Variants in PDSS2 observed in about 807,000 individuals in gnomAD.
PDSS2 encodes all trans-polyprenyl-diphosphate synthase PDSS2.
PDSS2 carries 31 observed loss-of-function variants against 44.5 expected under a neutral mutation model. The ratio of observed to expected loss-of-function variants is 0.70; its 90% confidence interval spans 0.52 to 0.94. The LOEUF (loss-of-function observed/expected upper bound fraction) is 0.94. Among genes scored for constraint, PDSS2 ranks in the 40% least tolerant of loss-of-function variants. The pLI is 0.00. For missense variants in PDSS2, 452 were observed against 482.2 expected (o/e 0.94, Z 0.59); for synonymous variants, 157 against 180.3 (o/e 0.87, Z 1.03).
intron 1 of PDSS2, among the ~76,000 whole-genome samples, chr6:107,378,889 A>G (rs1455630421): frequency 6.6e-6 from 1 of 152,216 alleles, no homozygotes; most frequent in Non-Finnish European, 1.5e-5. Context: ...CACAGCACTA[A>G]TGTGCCACTT....
At chr6:107,305,885 A>G (rs1776843722) in intron 2 of PDSS2, among the ~76,000 whole-genome samples, 1 of 152,184 alleles carries the variant, frequency 6.6e-6, no homozygotes, top group Admixed American at 6.5e-5. Context: ...GGGCCTTAAC[A>G]TTATATTTAG....
At chr6:107,210,790 G>A (rs939786483) in intron 5 of PDSS2, among the ~76,000 whole-genome samples, 1 of 152,042 alleles carries the variant, frequency 6.6e-6, no homozygotes, top group Non-Finnish European at 1.5e-5. Context: ...GATCACCTGA[G>A]GTCAGGAGTT....
intron 1 of PDSS2, among the ~76,000 whole-genome samples, chr6:107,435,079 C>A (rs1014393166): frequency 6.6e-6 from 1 of 151,852 alleles, no homozygotes; most frequent in Non-Finnish European, 1.5e-5. Flanking sequence ...GAGTTTAAGA[C>A]CAGCCTGGGC....
chr6:107,204,361 G>C (rs770161964), intron 6 of PDSS2, among the ~76,000 whole-genome samples: 13 of 152,038 alleles, frequency 8.6e-5, no homozygotes, highest in Non-Finnish European at 1.8e-4. Flanking sequence ...CCATTTATCA[G>C]TTGATAGACA....
chr6:107,447,558 G>A (rs969038297), intron 1 of PDSS2, among the ~76,000 whole-genome samples: 28 of 152,266 alleles, frequency 1.8e-4, no homozygotes, highest in Admixed American at 9.2e-4. Context: ...TCCATGTCAC[G>A]CTATTACAAG....
intron 3 of PDSS2, among the ~76,000 whole-genome samples, chr6:107,258,913 T>C (rs1775119427): frequency 6.6e-6 from 1 of 152,248 alleles, no homozygotes; most frequent in Non-Finnish European, 1.5e-5. Context: ...GATTGATAAC[T>C]GCAAAATTGT....
intron 1 of PDSS2, among the ~76,000 whole-genome samples, chr6:107,451,220 A>G (rs1314195252): frequency 6.6e-6 from 1 of 152,196 alleles, no homozygotes; most frequent in Non-Finnish European, 1.5e-5. Context: ...TGAGAAATCT[A>G]GTTTATCTGC....
rs944278364 is a variant in PDSS2, at chr6:107,152,718, C to A, written c.*1901G>T. ...CCAGATGCTAACGCAGAATAAGAGG[C>A]GCCCTAGGATCCTGCCTGGTGCCCT... On this transcript the variant is annotated 3_prime_UTR_variant, in exon 8 of 8. Transcript: ENST00000369037. The A allele has an allele frequency of 6.6e-6, 1 of 152,084 alleles. No homozygotes were observed. The highest frequency in any genetic ancestry group is 6.6e-5 in the Admixed American group (1 of 15,248). 9.4% of individuals were successfully genotyped at this position (152,084 alleles called of 1,614,324 possible). A position where few individuals can be genotyped will look rare whatever the true frequency, so the allele number is the denominator to read the frequency against.
intron 7 of PDSS2, among the ~76,000 whole-genome samples, chr6:107,180,933 C>T (rs1771953032): frequency 6.6e-6 from 1 of 152,180 alleles, no homozygotes; most frequent in South Asian, 2.1e-4. Context: ...CAACCTCCAT[C>T]TCCCGGATTC....
chr6:107,271,618 T>G (rs1239903836), intron 3 of PDSS2, among the ~76,000 whole-genome samples: 1 of 152,250 alleles, frequency 6.6e-6, no homozygotes, highest in Non-Finnish European at 1.5e-5. Context: ...AAGAGTTAGC[T>G]GCCCCTAGAC....
intron 4 of PDSS2, among the ~76,000 whole-genome samples, chr6:107,228,719 TAAACAAAC>T (rs71803225): frequency 0.26 from 35,391 of 135,072 alleles, 4,331 homozygotes; most frequent in East Asian, 0.38. Flanking sequence ...AATAAATAAA[TAAACAAAC>T]AAACAAACAA....
intron 1 of PDSS2, among the ~76,000 whole-genome samples, chr6:107,346,041 A>T (rs1485939589): frequency 2.0e-5 from 3 of 152,262 alleles, no homozygotes; most frequent in South Asian, 2.1e-4. Flanking sequence ...CAGCAGAGCT[A>T]GCAAAGAGGA....
chr6:107,401,400 A>C (rs1780101520), intron 1 of PDSS2, among the ~76,000 whole-genome samples: 1 of 152,144 alleles, frequency 6.6e-6, no homozygotes, highest in Non-Finnish European at 1.5e-5. Context: ...CATCATAGAC[A>C]CACCCTCAAA....
chr6:107,229,334 GCA>G (rs1773954466), intron 4 of PDSS2, among the ~76,000 whole-genome samples: 1 of 151,960 alleles, frequency 6.6e-6, no homozygotes, highest in South Asian at 2.1e-4. Flanking sequence ...TTACAGGCGT[GCA>G]CCACCATGCC....
intron 1 of PDSS2, among the ~76,000 whole-genome samples, chr6:107,395,644 T>C (rs1779917101): frequency 6.6e-6 from 1 of 152,236 alleles, no homozygotes; most frequent in Non-Finnish European, 1.5e-5. Flanking sequence ...TATGTTGATT[T>C]TTGTTTTAAT....
chr6:107,443,296 C>T (rs1266764155), intron 1 of PDSS2, among the ~76,000 whole-genome samples: 1 of 152,208 alleles, frequency 6.6e-6, no homozygotes, highest in Non-Finnish European at 1.5e-5. Context: ...AGTACTTAAC[C>T]TTTATGATCT....
At chr6:107,310,844 C>G (rs1295366883) in intron 2 of PDSS2, among the ~76,000 whole-genome samples, 1 of 152,060 alleles carries the variant, frequency 6.6e-6, no homozygotes, top group Non-Finnish European at 1.5e-5. Flanking sequence ...AGGAGAAACT[C>G]TCTTAGCTCC....
At chr6:107,284,048 A>AAAAT (rs1022850242) in intron 2 of PDSS2, among the ~76,000 whole-genome samples, 1 of 150,154 alleles carries the variant, frequency 6.7e-6, no homozygotes, top group South Asian at 2.1e-4. Flanking sequence ...TAATAAAATA[A>AAAAT]AAATAAATAA....
chr6:107,371,231 T>A (rs1779120823), intron 1 of PDSS2, among the ~76,000 whole-genome samples: 1 of 151,716 alleles, frequency 6.6e-6, no homozygotes, highest in Admixed American at 6.6e-5. Flanking sequence ...TACCAAAATA[T>A]GAGCTATTAC....
Sources: gnomAD v4.1 joint callset for allele counts (sites outside exome capture counted in the v4.1 genomes callset) on GRCh38, gnomAD v4.1.1 for gene constraint, MANE v1.5 for transcripts, NCBI Gene and HGNC (gene_info 2026-07-23, HGNC 2026-07-21) for gene names.